PPFIA2: variants seen among roughly 807,000 people sequenced by gnomAD.
The protein encoded by PPFIA2 is liprin-alpha-2.
A neutral mutation model predicts 175.5 loss-of-function variants in PPFIA2; 46 were observed. That is an observed-to-expected ratio of 0.26 (90% confidence interval 0.21 to 0.34). The LOEUF (loss-of-function observed/expected upper bound fraction) is 0.34. PPFIA2 is among the 10% of genes least tolerant of loss of function. The probability of loss-of-function intolerance (pLI) is 1.00; values close to 1 mark genes in which losing one functional copy is unlikely to be tolerated. For synonymous variants in PPFIA2, 568 were observed against 511.4 expected (o/e 1.11, Z -1.49); for missense variants, 1,179 against 1,506.1 (o/e 0.78, Z 3.60).
intron 7 of PPFIA2, among the ~76,000 whole-genome samples, chr12:81,438,725 A>C (rs2049571246): frequency 6.6e-6 from 1 of 152,076 alleles, no homozygotes; most frequent in Non-Finnish European, 1.5e-5. Context: ...ACTTGTGATA[A>C]TTTGATACAT....
intron 4 of PPFIA2, among the ~76,000 whole-genome samples, chr12:81,589,403 G>A (rs947297137): frequency 2.0e-5 from 3 of 151,986 alleles, no homozygotes; most frequent in African/African-American, 7.2e-5. Flanking sequence ...GCAATTTCAG[G>A]ATATAAGTTT....
chr12:81,397,461 T>C (rs971626599), intron 8 of PPFIA2, among the ~76,000 whole-genome samples: 2 of 152,038 alleles, frequency 1.3e-5, no homozygotes, highest in African/African-American at 4.8e-5. Flanking sequence ...AGAAAACTAT[T>C]AACTATGTCA....
At chr12:81,692,115 C>CACACACACACACAA in intron 3 of PPFIA2, among the ~76,000 whole-genome samples, 1 of 150,276 alleles carries the variant, frequency 6.7e-6, no homozygotes, top group African/African-American at 2.4e-5. Context: ...CACAGACACA[C>CACACACACACACAA]ACACACACAC....
intron 4 of PPFIA2, among the ~76,000 whole-genome samples, chr12:81,666,959 G>T (rs561885441): frequency 5.9e-4 from 90 of 151,934 alleles, no homozygotes; most frequent in Non-Finnish European, 1.1e-3. Context: ...TATAAAATAT[G>T]GTTTGCACAC....
At chr12:81,377,472 G>C (rs2036629543) in intron 9 of PPFIA2, among the ~76,000 whole-genome samples, 1 of 151,674 alleles carries the variant, frequency 6.6e-6, no homozygotes, top group Non-Finnish European at 1.5e-5. Context: ...AGAATCGCTT[G>C]AACCTGGGAG....
At chr12:81,701,004 G>A (rs939421697) in intron 3 of PPFIA2, among the ~76,000 whole-genome samples, 1 of 152,140 alleles carries the variant, frequency 6.6e-6, no homozygotes, top group Non-Finnish European at 1.5e-5. Context: ...AAACCATGGA[G>A]AAGTGAGTAA....
At chr12:81,336,851 C>T (rs2057212576) in intron 21 of PPFIA2, among the ~76,000 whole-genome samples, 1 of 152,106 alleles carries the variant, frequency 6.6e-6, no homozygotes, top group Non-Finnish European at 1.5e-5. Flanking sequence ...TGGCAATGCT[C>T]CTGGGTTTTA....
intron 4 of PPFIA2, among the ~76,000 whole-genome samples, chr12:81,543,568 G>A (rs1269414069): frequency 2.6e-5 from 4 of 152,210 alleles, no homozygotes; most frequent in East Asian, 1.9e-4. Flanking sequence ...AATTTATATG[G>A]ATACTCTTCC....
At chr12:81,713,049 C>A (rs1404240350) in intron 3 of PPFIA2, among the ~76,000 whole-genome samples, 1 of 151,124 alleles carries the variant, frequency 6.6e-6, no homozygotes, top group African/African-American at 2.4e-5. Flanking sequence ...GCTCATAATA[C>A]AATTAAATAT....
At chr12:81,278,035 A>T (rs1032991190) in intron 27 of PPFIA2, among the ~76,000 whole-genome samples, 4 of 152,198 alleles carry the variant, frequency 2.6e-5, no homozygotes, top group African/African-American at 7.2e-5. Context: ...ATGGAGCATC[A>T]TGAACAAAAG....
intron 4 of PPFIA2, among the ~76,000 whole-genome samples, chr12:81,561,031 T>G (rs2069950694): frequency 1.3e-5 from 2 of 152,140 alleles, no homozygotes; most frequent in African/African-American, 4.8e-5. Context: ...GTGTGTGTAT[T>G]TATATATAAT....
chr12:81,273,204 C>A (rs1464524017), intron 28 of PPFIA2, among the ~76,000 whole-genome samples: 2 of 152,108 alleles, frequency 1.3e-5, no homozygotes, highest in Admixed American at 6.6e-5. Flanking sequence ...CCACAAATGT[C>A]TCTAGAGGAG....
At chr12:81,586,283 A>C (rs1384065538) in intron 4 of PPFIA2, among the ~76,000 whole-genome samples, 2 of 151,924 alleles carry the variant, frequency 1.3e-5, no homozygotes, top group African/African-American at 2.4e-5. Flanking sequence ...GTCATTGTCC[A>C]GTTTTCTATT....
chr12:81,543,282 A>T (rs758483525), intron 4 of PPFIA2, among the ~76,000 whole-genome samples: 5 of 152,130 alleles, frequency 3.3e-5, no homozygotes, highest in Non-Finnish European at 5.9e-5. Flanking sequence ...TAAAAACAAC[A>T]GCAACATAGC....
chr12:81,275,146 G>T (rs1199561689), intron 28 of PPFIA2, among the ~76,000 whole-genome samples: 1 of 152,146 alleles, frequency 6.6e-6, no homozygotes, highest in Non-Finnish European at 1.5e-5. Flanking sequence ...TCCTTCTGGG[G>T]TCCATCTTTG....
At chr12:81,428,859 T>A (rs144609193) in intron 7 of PPFIA2, among the ~76,000 whole-genome samples, 64 of 152,188 alleles carry the variant, frequency 4.2e-4, no homozygotes, top group Middle Eastern at 3.4e-3. Context: ...GCTAAAAGCA[T>A]AGCATCAGAC....
chr12:81,756,187 C>T (rs1051056356), intron 2 of PPFIA2, among the ~76,000 whole-genome samples: 11 of 152,250 alleles, frequency 7.2e-5, no homozygotes, highest in Admixed American at 3.3e-4. Context: ...AAACAAAGTA[C>T]TGGGAGAGCA....
chr12:81,382,809 G>T (rs1445519761), intron 9 of PPFIA2, among the ~76,000 whole-genome samples: 2 of 152,130 alleles, frequency 1.3e-5, no homozygotes, highest in Non-Finnish European at 2.9e-5. Context: ...AGAAGGACAA[G>T]TTGGAGATAT....
intron 4 of PPFIA2, among the ~76,000 whole-genome samples, chr12:81,558,815 CTATAA>C (rs1343572048): frequency 1.3e-5 from 2 of 152,232 alleles, no homozygotes; most frequent in Admixed American, 1.3e-4. Flanking sequence ...GAAGCACACA[CTATAA>C]TATATGTTAC....
Sources: gnomAD v4.1 joint callset for allele counts (sites outside exome capture counted in the v4.1 genomes callset) on GRCh38, gnomAD v4.1.1 for gene constraint, MANE v1.5 for transcripts, NCBI Gene and HGNC (gene_info 2026-07-23, HGNC 2026-07-21) for gene names.